CES5A: variants seen among roughly 807,000 people sequenced by gnomAD.
CES5A encodes the protein carboxylesterase 5A, also known as carboxylesterase 5.
A neutral mutation model predicts 62.9 loss-of-function variants in CES5A; 67 were observed. The ratio of observed to expected loss-of-function variants is 1.07; its 90% CI spans 0.88 to 1.31. The LOEUF (loss-of-function observed/expected upper bound fraction) is 1.31. Ranked by LOEUF, CES5A falls within the 50% of genes most tolerant of loss-of-function variation. CES5A has a pLI of 0.00. For missense variants in CES5A, 748 were observed against 708.5 expected, an observed-to-expected ratio of 1.06 and a Z score of -0.63; for synonymous variants, 296 against 280.8, an observed-to-expected ratio of 1.05 and a Z score of -0.54.
At chr16:55,876,425 T>C (rs1254688232), upstream of CES5A, among the ~76,000 whole-genome samples, 1 of 152,136 alleles carries the variant, frequency 6.6e-6, no homozygotes, top group African/African-American at 2.4e-5. Flanking sequence ...AAGGGTGGTG[T>C]ATGGTGGAGA....
intron 1 of CES5A, among the ~76,000 whole-genome samples, chr16:55,953,658 T>C (rs183662107): frequency 6.6e-6 from 1 of 152,242 alleles, no homozygotes; most frequent in Admixed American, 6.5e-5. Context: ...TGTTACTAGG[T>C]GGAGTAGAGC....
At position 55,871,732 on chromosome 16, in the gene CES5A, C is replaced by G. The variant is rs2142412045; in HGVS notation, c.310G>C (p.Asp104His). 3 of 1,614,050 alleles carry G rather than the reference C, an allele frequency of 1.9e-6. No homozygotes were observed. In the East Asian group the frequency reaches 6.7e-5, roughly 36 times the overall value. ...CLQNSEWLLL[D>H]QHMLKVHYPK... is the part of the protein sequence containing the mutation. Reference sequence around the variant, plus strand: ...TAATGCACCTTGAGCATATGTTGATCTAAGAGCAGCCACTCTGAGTTCTGG... The same window carrying G: ...TAATGCACCTTGAGCATATGTTGATGTAAGAGCAGCCACTCTGAGTTCTGG... The change falls in exon 3 of 13, where the codon GAT (aspartate) becomes CAT (histidine). Residue 104 changes from aspartate to histidine, a missense_variant. Transcript: ENST00000290567.
chr16:55,872,488 C>A (rs1481829978), intron 2 of CES5A, among the ~76,000 whole-genome samples: 2 of 152,182 alleles, frequency 1.3e-5, no homozygotes, highest in Non-Finnish European at 2.9e-5. Context: ...CAACTGTGAG[C>A]AGCTAAAAGC....
At chr16:55,934,126 A>G (rs1000995054) in intron 2 of CES5A, among the ~76,000 whole-genome samples, 3 of 152,182 alleles carry the variant, frequency 2.0e-5, no homozygotes, top group African/African-American at 7.2e-5. Flanking sequence ...TAAAATTGCA[A>G]TCCAACCCCA....
chr16:55,884,964 G>T (rs1454349878), intron 1 of CES5A, among the ~76,000 whole-genome samples: 1 of 152,114 alleles, frequency 6.6e-6, no homozygotes, highest in Admixed American at 6.5e-5. Context: ...TCAGACTATA[G>T]TCCAACTGTG....
At chr16:55,932,464 G>T (rs530053463) in intron 2 of CES5A, among the ~76,000 whole-genome samples, 1 of 147,922 alleles carries the variant, frequency 6.8e-6, no homozygotes, top group South Asian at 2.1e-4. Context: ...GAGTAAATAT[G>T]TTAGTTAGTT....
At position 55,864,698 on chromosome 16, in the gene CES5A, C is replaced by A. The variant is rs1163507770; in HGVS notation, c.706-1246G>T. Among the ~76,000 whole-genome samples the A allele has an allele frequency of 4.6e-5, 7 of 151,768 alleles. No homozygotes were observed. The South Asian group carries it at 6.3e-4, about 14-fold the overall frequency. On this transcript the variant is annotated intron_variant, in intron 5 of 12. Transcript: ENST00000290567. ...TCACTTGAGCCCAGAAGTTCAAGAC[C>A]ATCCTGGGCAATATAGCTAGACCCC... is the stretch of plus-strand genomic sequence containing the variant.
At chr16:55,877,578 C>T (rs2033712412), upstream of CES5A, among the ~76,000 whole-genome samples, 5 of 152,030 alleles carry the variant, frequency 3.3e-5, no homozygotes, top group Admixed American at 3.3e-4. Context: ...GAAATGTCTT[C>T]TATTTGCTGT....
intron 1 of CES5A, among the ~76,000 whole-genome samples, chr16:55,896,316 A>G (rs74427572): frequency 0.021 from 3,145 of 152,280 alleles, 103 homozygotes; most frequent in East Asian, 0.095. Context: ...TGTGGGTAGT[A>G]TGGGAGCTAC....
upstream of CES5A, among the ~76,000 whole-genome samples, chr16:55,930,069 T>C (rs577741316): frequency 3.3e-5 from 5 of 152,214 alleles, no homozygotes; most frequent in South Asian, 1.0e-3. Context: ...TTTGTCCCAA[T>C]CACTAATGGT....
intron 1 of CES5A, among the ~76,000 whole-genome samples, chr16:55,890,559 A>C (rs2033866164): frequency 6.6e-6 from 1 of 152,170 alleles, no homozygotes; most frequent in African/African-American, 2.4e-5. Context: ...AAAACCCACA[A>C]AGGACCTTAT....
Position 55,955,779 on chromosome 16 carries a change from T to C in CES5A, c.42+65A>G, listed in dbSNP as rs1567369697. The C allele has an allele frequency of 2.0e-6, 3 of 1,505,230 alleles. No homozygotes were observed. The East Asian group carries it at 7.4e-5, about 37-fold the overall frequency. The allele number at this position is 1,505,230 out of a possible 1,614,324, so 93.2% of individuals were successfully genotyped here. On this transcript the variant is annotated intron_variant, in intron 1 of 13. Transcript: ENST00000521992. ...AAATTTGCATCTAATCTAAGGCTCA[T>C]CTTTCTCATTCCAGTGGGTTTGGGG...
intron 1 of CES5A, among the ~76,000 whole-genome samples, chr16:55,881,731 C>T (rs2033764131): frequency 1.3e-5 from 2 of 152,126 alleles, no homozygotes; most frequent in South Asian, 2.1e-4. Context: ...CAGAGGATCC[C>T]TTCACTAAGG....
chr16:55,954,233 C>T (rs138611325), intron 1 of CES5A, among the ~76,000 whole-genome samples: 2 of 152,306 alleles, frequency 1.3e-5, no homozygotes, highest in Non-Finnish European at 2.9e-5. Flanking sequence ...CAAACACCTG[C>T]CTGTTGATCC....
chr16:55,899,285 C>T (rs1319267316), intron 1 of CES5A, among the ~76,000 whole-genome samples: 4 of 152,170 alleles, frequency 2.6e-5, no homozygotes, highest in Admixed American at 2.0e-4. Flanking sequence ...AGAGCTTGCA[C>T]TCTCATTGCC....
chr16:55,856,811 A>C (rs7499862), intron 8 of CES5A, among the ~76,000 whole-genome samples: 1 of 151,892 alleles, frequency 6.6e-6, no homozygotes, highest in Admixed American at 6.5e-5. Flanking sequence ...GGGTGATTAC[A>C]TTAAAATGTG....
intron 1 of CES5A, among the ~76,000 whole-genome samples, chr16:55,924,559 T>C (rs1198926156): frequency 6.6e-6 from 1 of 151,756 alleles, no homozygotes; most frequent in African/African-American, 2.4e-5. Flanking sequence ...TTTACAGAAA[T>C]AGAAAAAAAA....
Position 55,852,987 on chromosome 16 carries a change from G to T in CES5A, c.1167C>A (p.Tyr389Ter). 1 of 1,614,130 alleles carries T rather than the reference G, an allele frequency of 6.2e-7. No homozygotes were observed. The highest frequency in any genetic ancestry group is 1.1e-5 in the South Asian group (1 of 91,076). The change falls in exon 10 of 13, where the codon TAC (tyrosine) becomes TAA (stop). Residue 389 changes from tyrosine (Y) to a stop codon, truncating the protein, a stop_gained. Coordinates refer to ENST00000290567, the MANE Select transcript of CES5A (RefSeq NM_001143685.2). LOFTEE classifies it high-confidence loss of function. ...CAGTCAGGGAGTGCTTGTCATGGAA[G>T]TATTCATTAGCCACAAGGTGCAAAT... ...PQYLHLVANE[Y>*]FHDKHSLTEI...
At chr16:55,863,204 G>T in intron 6 of CES5A, 144 bp downstream of exon 6, 1 of 641,598 alleles carries the variant, frequency 1.6e-6, no homozygotes, top group Non-Finnish European at 2.9e-6. Context: ...ACCTTTCACG[G>T]AGGAACAAGG....
Sources: allele counts gnomAD v4.1 joint callset (sites outside exome capture counted in the v4.1 genomes callset), GRCh38; gene constraint gnomAD v4.1.1; transcripts MANE v1.5; gene names NCBI Gene and HGNC (gene_info 2026-07-23, HGNC 2026-07-21).